KHDRBS2: variants seen among roughly 807,000 people sequenced by gnomAD.
KHDRBS2 encodes KH RNA binding domain containing, signal transduction associated 2.
Under a neutral mutation model 44.3 loss-of-function variants are expected in KHDRBS2, and 26 were observed. That is an observed-to-expected ratio of 0.59 (90% CI 0.43 to 0.81). The LOEUF is 0.81. KHDRBS2 is among the 40% of genes least tolerant of loss of function. The pLI is 0.00. For missense variants in KHDRBS2, 476 were observed against 433.1 expected (o/e 1.10, Z -0.88); for synonymous variants, 194 against 151.1 (o/e 1.28, Z -2.08).
chr6:62,198,399 A>G (rs1826144831), intron 1 of KHDRBS2, among the ~76,000 whole-genome samples: 2 of 152,082 alleles, frequency 1.3e-5, no homozygotes, highest in South Asian at 2.1e-4. Context: ...AATGATAAAG[A>G]GGATATCACC....
intron 2 of KHDRBS2, among the ~76,000 whole-genome samples, chr6:62,164,084 T>C (rs978305121): frequency 6.6e-6 from 1 of 151,902 alleles, no homozygotes; most frequent in Admixed American, 6.6e-5. Flanking sequence ...ATAATAGATT[T>C]TGATGGGTTT....
chr6:61,666,892 T>C, the KHDRBS2 span, among the ~76,000 whole-genome samples: 2 of 151,132 alleles, frequency 1.3e-5, no homozygotes, highest in Non-Finnish European at 3.0e-5. Flanking sequence ...TACACTTTCA[T>C]GGAAGAAGCC....
chr6:61,662,322 C>T, the KHDRBS2 span, among the ~76,000 whole-genome samples: 2 of 151,956 alleles, frequency 1.3e-5, no homozygotes, highest in African/African-American at 4.8e-5. Context: ...CATTACCATT[C>T]AGGACATAGG....
intron 2 of KHDRBS2, among the ~76,000 whole-genome samples, chr6:62,092,480 A>G (rs1450734551): frequency 6.6e-6 from 1 of 152,180 alleles, no homozygotes; most frequent in Non-Finnish European, 1.5e-5. Flanking sequence ...AGTTTCCTAT[A>G]AAGTTGGAAT....
At chr6:62,151,032 C>G (rs988433863) in intron 2 of KHDRBS2, among the ~76,000 whole-genome samples, 1 of 152,092 alleles carries the variant, frequency 6.6e-6, no homozygotes, top group Non-Finnish European at 1.5e-5. Flanking sequence ...GTCCCTACCC[C>G]ATACTTCTAT....
intron 2 of KHDRBS2, among the ~76,000 whole-genome samples, chr6:62,113,128 C>G (rs1364162467): frequency 6.6e-6 from 1 of 152,092 alleles, no homozygotes; most frequent in Non-Finnish European, 1.5e-5. Context: ...GCCAAGGGAA[C>G]TGTGTCACTA....
the KHDRBS2 span, among the ~76,000 whole-genome samples, chr6:61,620,704 A>G: frequency 6.6e-6 from 1 of 152,188 alleles, no homozygotes; most frequent in South Asian, 2.1e-4. Flanking sequence ...CCCACTCAGC[A>G]TTCACCTAGA....
intron 7 of KHDRBS2, among the ~76,000 whole-genome samples, chr6:61,721,026 TAAA>T (rs1772403615): frequency 6.6e-6 from 1 of 151,554 alleles, no homozygotes; most frequent in African/African-American, 2.4e-5. Flanking sequence ...CACCATTTAT[TAAA>T]TAGGGAATCC....
At chr6:61,575,712 A>T in the KHDRBS2 span, among the ~76,000 whole-genome samples, 1 of 152,230 alleles carries the variant, frequency 6.6e-6, no homozygotes, top group South Asian at 2.1e-4. Flanking sequence ...CTAAATGCCC[A>T]GCAACCAATG....
chr6:61,849,255 A>C (rs1795094828), intron 6 of KHDRBS2, among the ~76,000 whole-genome samples: 2 of 152,080 alleles, frequency 1.3e-5, no homozygotes, highest in Admixed American at 1.3e-4. Context: ...TCATAATATC[A>C]CTGGTTCTCT....
At chr6:61,982,506 C>T (rs1457906776) in intron 3 of KHDRBS2, among the ~76,000 whole-genome samples, 3 of 151,702 alleles carry the variant, frequency 2.0e-5, no homozygotes, top group Non-Finnish European at 4.4e-5. Flanking sequence ...CCCGTCTCTA[C>T]TAAAAATACA....
rs148967628 is a variant in KHDRBS2, at chr6:62,200,491, T to A, written c.92-23179A>T. Reference sequence around the variant, plus strand: ...CCAAAAGACACATGAAAAATGCTTATCATCACCGGCCATCAGAGAAATGCA... The same window carrying A: ...CCAAAAGACACATGAAAAATGCTTAACATCACCGGCCATCAGAGAAATGCA... On this transcript the variant is annotated intron_variant, in intron 1 of 8. Coordinates refer to ENST00000281156, the MANE Select transcript of KHDRBS2 (RefSeq NM_152688.4). 2.5e-3 allele frequency among the ~76,000 whole-genome samples: 382 copies of A among 152,238 alleles called. 3 individuals carry two copies. The highest frequency in any genetic ancestry group is 8.4e-3 in the African/African-American group (349 of 41,546).
intron 1 of KHDRBS2, among the ~76,000 whole-genome samples, chr6:62,227,262 G>A (rs1346312190): frequency 6.6e-6 from 1 of 152,016 alleles, no homozygotes; most frequent in Non-Finnish European, 1.5e-5. Context: ...GTATTCCTAG[G>A]TATTCTATTC....
At chr6:62,131,932 C>G (rs1250589803) in intron 2 of KHDRBS2, among the ~76,000 whole-genome samples, 1 of 152,166 alleles carries the variant, frequency 6.6e-6, no homozygotes, top group Admixed American at 6.5e-5. Context: ...TAAATAACAT[C>G]TGTTCATTCA....
At chr6:61,722,399 C>T (rs1463268865) in intron 7 of KHDRBS2, among the ~76,000 whole-genome samples, 1 of 152,084 alleles carries the variant, frequency 6.6e-6, no homozygotes, top group Non-Finnish European at 1.5e-5. Flanking sequence ...TCAGGTGAAC[C>T]TTTGTAGGAT....
intron 3 of KHDRBS2, among the ~76,000 whole-genome samples, chr6:62,027,524 C>T (rs1166773034): frequency 6.6e-6 from 1 of 152,022 alleles, no homozygotes; most frequent in Non-Finnish European, 1.5e-5. Flanking sequence ...AATGAGGTGA[C>T]TTTTGGAAAG....
At chr6:62,122,249 G>C (rs1248976938) in intron 2 of KHDRBS2, among the ~76,000 whole-genome samples, 1 of 152,106 alleles carries the variant, frequency 6.6e-6, no homozygotes, top group Admixed American at 6.5e-5. Context: ...TTACAGCAAA[G>C]GTCTCTAGGA....
intron 2 of KHDRBS2, among the ~76,000 whole-genome samples, chr6:62,076,668 A>T (rs1252742943): frequency 6.6e-6 from 1 of 152,078 alleles, no homozygotes; most frequent in Non-Finnish European, 1.5e-5. Flanking sequence ...TTTGCCTAGG[A>T]GGCAATTCTA....
chr6:61,578,160 T>C, the KHDRBS2 span, among the ~76,000 whole-genome samples: 1 of 151,746 alleles, frequency 6.6e-6, no homozygotes. Context: ...GGCTGAAGGG[T>C]TGTGGGATGA....
Sources: gnomAD v4.1 joint callset for allele counts (sites outside exome capture counted in the v4.1 genomes callset) on GRCh38, gnomAD v4.1.1 for gene constraint, MANE v1.5 for transcripts, NCBI Gene and HGNC (gene_info 2026-07-23, HGNC 2026-07-21) for gene names.